Variants in KLHL4 observed in about 807,000 individuals in gnomAD.
KLHL4 encodes kelch like family member 4, also known as kelch-like protein 4.
A neutral mutation model predicts 45.8 loss-of-function variants in KLHL4; 17 were observed. The ratio of observed to expected loss-of-function variants is 0.37; its 90% CI spans 0.25 to 0.56. The LOEUF (loss-of-function observed/expected upper bound fraction) is 0.56. Ranked by LOEUF, KLHL4 falls within the 20% of genes least tolerant of loss-of-function variation. The probability of loss-of-function intolerance (pLI) is 0.79; values close to 1 mark genes in which losing one functional copy is unlikely to be tolerated. For missense variants in KLHL4, 544 were observed against 544.9 expected (o/e 1.00, Z 0.02); for synonymous variants, 224 against 189.9 (o/e 1.18, Z -1.47).
At chrX:87,558,600 AAAAC>A (rs1214133869) in intron 1 of KLHL4, among the ~76,000 whole-genome samples, 1 of 111,847 alleles carries the variant, frequency 8.9e-6, no homozygotes, top group Non-Finnish European at 1.9e-5. Context: ...AAAAACAAAC[AAAAC>A]AAACAAACAA....
chrX:87,533,220 C>T (rs1228314645), intron 1 of KLHL4, among the ~76,000 whole-genome samples: 1 of 108,205 alleles, frequency 9.2e-6, no homozygotes, highest in Non-Finnish European at 1.9e-5. Flanking sequence ...ACCCGAAGGA[C>T]TATAAATCAT....
chrX:87,542,159 AAG>A (rs1382259470), intron 1 of KLHL4, among the ~76,000 whole-genome samples: 1 of 112,253 alleles, frequency 8.9e-6, no homozygotes, highest in African/African-American at 3.2e-5. Context: ...TGTGTTCACA[AAG>A]AGATGATTTG....
intron 3 of KLHL4, among the ~76,000 whole-genome samples, chrX:87,615,182 T>A (rs1259049367): frequency 9.0e-6 from 1 of 111,458 alleles, no homozygotes; most frequent in African/African-American, 3.2e-5. Context: ...TTTCAAACAT[T>A]TTTGCTTGCA....
intron 1 of KLHL4, among the ~76,000 whole-genome samples, chrX:87,536,771 G>A (rs1378595996): frequency 9.0e-6 from 1 of 110,799 alleles, no homozygotes; most frequent in Non-Finnish European, 1.9e-5. Context: ...GCAAGTGGGG[G>A]GATATTCTGT....
At chrX:87,522,781 A>G in intron 1 of KLHL4, among the ~76,000 whole-genome samples, 1 of 112,250 alleles carries the variant, frequency 8.9e-6, no homozygotes, top group Non-Finnish European at 1.9e-5. Context: ...ATTTATTGCA[A>G]TGATTCCTAA....
intron 3 of KLHL4, among the ~76,000 whole-genome samples, chrX:87,616,528 A>G: frequency 8.9e-6 from 1 of 111,836 alleles, no homozygotes; most frequent in Middle Eastern, 4.6e-3. Flanking sequence ...AGGATAAGAT[A>G]ATTCAGCCAG....
At chrX:87,571,266 T>A (rs1932330011) in intron 1 of KLHL4, among the ~76,000 whole-genome samples, 1 of 111,023 alleles carries the variant, frequency 9.0e-6, no homozygotes, top group Non-Finnish European at 1.9e-5. Context: ...TTGTTAAATT[T>A]CTAGATTAAA....
Position 87,630,926 on chromosome X carries a change from A to T in KLHL4, c.1325-1284A>T, listed in dbSNP as rs1418770783. 6.3e-5 allele frequency among the ~76,000 whole-genome samples: 7 copies of T among 111,720 alleles called. No individual in the cohort carries two copies. In the South Asian group the frequency reaches 1.5e-3, roughly 24 times the overall value. On this transcript the variant is annotated intron_variant, in intron 6 of 10. Transcript: ENST00000373119. ...ACACAAAGAGTGAGATTAAGAGCAG[A>T]AATTTAACAGGCAAAAGAAAGAGAA... is the stretch of plus-strand genomic sequence containing the variant.
At chrX:87,601,883 A>G (rs1411154922) in intron 1 of KLHL4, among the ~76,000 whole-genome samples, 1 of 111,424 alleles carries the variant, frequency 9.0e-6, no homozygotes, top group Non-Finnish European at 1.9e-5. Context: ...ATTTTAGTCA[A>G]CTACATACTG....
At chrX:87,658,976 A>AT (rs1488154818) in intron 9 of KLHL4, among the ~76,000 whole-genome samples, 2 of 109,191 alleles carry the variant, frequency 1.8e-5, no homozygotes, top group Non-Finnish European at 3.8e-5. Context: ...TTCAGCTATT[A>AT]TTTTTTCAAA....
rs1446263495 is a variant in KLHL4, at chrX:87,669,371, C to T, written c.*2837C>T. 3 of 1,207,669 alleles carry T rather than the reference C, an allele frequency of 2.5e-6. No individual in the cohort carries two copies. In the Admixed American group the frequency reaches 6.5e-5, roughly 26 times the overall value. On this transcript the variant is annotated 3_prime_UTR_variant, in exon 11 of 11. Coordinates refer to ENST00000373119, the MANE Select transcript of KLHL4 (RefSeq NM_019117.5). ...ACAAAACTTCTATACCACACAGAAGCTGAAAGAGACTCTGGGGCACTAAAT... is the reference window on the plus strand; with the variant it reads ...ACAAAACTTCTATACCACACAGAAGTTGAAAGAGACTCTGGGGCACTAAAT...
At chrX:87,552,315 GAA>G (rs1397407432) in intron 1 of KLHL4, among the ~76,000 whole-genome samples, 2 of 111,074 alleles carry the variant, frequency 1.8e-5, no homozygotes, top group Non-Finnish European at 3.8e-5. Context: ...AATGATCAGG[GAA>G]ATGCAAATCA....
chrX:87,614,208 T>C (rs985411395), intron 2 of KLHL4, among the ~76,000 whole-genome samples, 164 bp downstream of exon 2: 1 of 111,653 alleles, frequency 9.0e-6, no homozygotes, highest in Non-Finnish European at 1.9e-5. Flanking sequence ...ATTTAGAAGA[T>C]CCAAACTTGG....
At chrX:87,633,659 A>T (rs1923169901) in intron 7 of KLHL4, 90 bp from the exon 8 acceptor site, 9 of 794,313 alleles carry the variant, frequency 1.1e-5, no homozygotes, top group Non-Finnish European at 1.6e-5. Context: ...CAAAACAAAA[A>T]AATTTAAGCA....
intron 1 of KLHL4, among the ~76,000 whole-genome samples, chrX:87,595,400 G>T (rs933002491): frequency 2.7e-5 from 3 of 112,117 alleles, no homozygotes; most frequent in African/African-American, 9.7e-5. Flanking sequence ...GATCTGTGGA[G>T]TGGAACTCAA....
chrX:87,535,027 A>C (rs1225819819), intron 1 of KLHL4, among the ~76,000 whole-genome samples: 1 of 112,117 alleles, frequency 8.9e-6, no homozygotes, highest in Non-Finnish European at 1.9e-5. Context: ...GAAGTATTGT[A>C]GATACACTTG....
intron 1 of KLHL4, among the ~76,000 whole-genome samples, chrX:87,519,354 G>T (rs1485205050): frequency 1.8e-5 from 2 of 111,749 alleles, no homozygotes; most frequent in Admixed American, 9.6e-5. Flanking sequence ...AGAAGGACTG[G>T]CAGATTTGCT....
intron 4 of KLHL4, among the ~76,000 whole-genome samples, chrX:87,620,565 C>T (rs930379451): frequency 2.7e-5 from 3 of 111,126 alleles, no homozygotes; most frequent in Non-Finnish European, 5.7e-5. Flanking sequence ...TTGAGGTGTC[C>T]GTAATATTAA....
Position 87,619,731 on chromosome X carries a change from T to C in KLHL4, c.924+1603T>C, listed in dbSNP as rs183561643. 1.5e-3 allele frequency among the ~76,000 whole-genome samples: 169 copies of C among 112,097 alleles called. 1 individual carries two copies. The highest frequency in any genetic ancestry group is 5.1e-3 in the African/African-American group (157 of 30,917). On this transcript the variant is annotated intron_variant, in intron 4 of 10. Coordinates refer to ENST00000373119, the MANE Select transcript of KLHL4 (RefSeq NM_019117.5). Reference sequence around the variant, plus strand: ...TGAACTTGTCTTCCTTTTCCTATTATGTGACCAAAACGGAGTGTTGAAGCA... The same window carrying C: ...TGAACTTGTCTTCCTTTTCCTATTACGTGACCAAAACGGAGTGTTGAAGCA...
Sources: gnomAD v4.1 joint callset for allele counts (sites outside exome capture counted in the v4.1 genomes callset) on GRCh38, gnomAD v4.1.1 for gene constraint, MANE v1.5 for transcripts, NCBI Gene and HGNC (gene_info 2026-07-23, HGNC 2026-07-21) for gene names.